STK3: variants seen among roughly 807,000 people sequenced by gnomAD.
The protein encoded by STK3 is serine/threonine kinase 3, also known as serine/threonine-protein kinase 3.
Under a neutral mutation model 58.0 loss-of-function variants are expected in STK3, and 41 were observed. That is an observed-to-expected ratio of 0.71 (90% CI 0.55 to 0.92). The LOEUF is 0.92. STK3 is among the 40% of genes least tolerant of loss of function. The probability of loss-of-function intolerance (pLI) is 0.00; values close to 1 mark genes in which losing one functional copy is unlikely to be tolerated. For missense variants in STK3, 479 were observed against 602.7 expected (o/e 0.79, Z 2.15); for synonymous variants, 170 against 191.0 (o/e 0.89, Z 0.91).
chr8:98,740,840 C>G (rs1307758572), intron 4 of STK3, among the ~76,000 whole-genome samples: 1 of 152,068 alleles, frequency 6.6e-6, no homozygotes, highest in African/African-American at 2.4e-5. Flanking sequence ...GTGCTGTATT[C>G]AGGAAACCCA....
chr8:98,926,409 T>C (rs1404219548), intron 1 of STK3, among the ~76,000 whole-genome samples: 4 of 152,218 alleles, frequency 2.6e-5, no homozygotes, highest in Non-Finnish European at 5.9e-5. Context: ...TGCAAACATA[T>C]GGAATACGGA....
intron 6 of STK3, among the ~76,000 whole-genome samples, chr8:98,616,638 C>G (rs1385605039): frequency 2.1e-5 from 3 of 146,024 alleles, no homozygotes; most frequent in Non-Finnish European, 4.5e-5. Context: ...AAATGGAAAA[C>G]AAAAAAAGGC....
At chr8:98,633,989 A>G (rs56246659) in intron 6 of STK3, 5,690 of 179,344 alleles carry the variant, frequency 0.032, 122 homozygotes, top group South Asian at 0.057. Context: ...CTCGATTCCA[A>G]ATAAATTAGT....
At chr8:98,707,876 C>A (rs1826076374) in intron 4 of STK3, among the ~76,000 whole-genome samples, 1 of 152,114 alleles carries the variant, frequency 6.6e-6, no homozygotes, top group Non-Finnish European at 1.5e-5. Context: ...TGGTGGCTCA[C>A]ACCTGTAATC....
At position 98,372,184 on chromosome 8, in the gene STK3, G is replaced by A. The variant is rs559930971; in HGVS notation, n.112-506C>T. Among the ~76,000 whole-genome samples the A allele has an allele frequency of 1.2e-3, 189 of 152,302 alleles. 1 individual carries two copies. Among genetic ancestry groups the A allele is most frequent in the African/African-American group, 4.4e-3 (181 of 41,546 alleles). Reference sequence around the variant, plus strand: ...GCAAGGAAAGAGTCTCAGACTCTGGGTCTTAGAGGGAACATGGCTTGCTGA... The same window carrying A: ...GCAAGGAAAGAGTCTCAGACTCTGGATCTTAGAGGGAACATGGCTTGCTGA... On this transcript the variant is annotated intron_variant and non_coding_transcript_variant, in intron 2 of 2. Coordinates refer to the STK3 transcript ENST00000518704.
chr8:98,710,354 C>T (rs1211425606), intron 4 of STK3, among the ~76,000 whole-genome samples: 2 of 152,294 alleles, frequency 1.3e-5, no homozygotes, highest in East Asian at 3.9e-4. Context: ...ATCACCTCAC[C>T]TGGGAAGTGC....
At chr8:98,529,563 TCTTA>T (rs1219079125) in intron 9 of STK3, among the ~76,000 whole-genome samples, 1 of 152,228 alleles carries the variant, frequency 6.6e-6, no homozygotes, top group Non-Finnish European at 1.5e-5. Flanking sequence ...AAATTTACCA[TCTTA>T]CTTCTGGGTA....
chr8:98,911,062 AG>A (rs1839112006), intron 1 of STK3, among the ~76,000 whole-genome samples: 1 of 152,174 alleles, frequency 6.6e-6, no homozygotes, highest in Non-Finnish European at 1.5e-5. Context: ...TGCTGGAAAA[AG>A]GTTACCACTA....
chr8:98,836,009 T>A (rs1331556620), intron 3 of STK3, among the ~76,000 whole-genome samples: 4 of 152,200 alleles, frequency 2.6e-5, no homozygotes, highest in Non-Finnish European at 5.9e-5. Context: ...GAGACCAGCC[T>A]GCCCAACATG....
intron 6 of STK3, among the ~76,000 whole-genome samples, chr8:98,636,910 C>G (rs991728506): frequency 3.9e-5 from 6 of 152,006 alleles, no homozygotes; most frequent in Non-Finnish European, 7.4e-5. Context: ...TTGAAAATGT[C>G]CTTGCAATAT....
At chr8:98,347,369 G>C in the STK3 span, among the ~76,000 whole-genome samples, 1 of 151,622 alleles carries the variant, frequency 6.6e-6, no homozygotes, top group Non-Finnish European at 1.5e-5. Context: ...AAAAAAATTA[G>C]CCGGGCGTGA....
chr8:98,651,977 G>A (rs887856281), intron 6 of STK3, among the ~76,000 whole-genome samples: 6 of 151,972 alleles, frequency 3.9e-5, no homozygotes, highest in African/African-American at 1.5e-4. Flanking sequence ...AGGAAATACA[G>A]AGAACGCCAC....
intron 1 of STK3, among the ~76,000 whole-genome samples, chr8:98,778,128 C>A (rs1831828885): frequency 6.6e-6 from 1 of 152,164 alleles, no homozygotes; most frequent in Non-Finnish European, 1.5e-5. Flanking sequence ...GCAATCTACT[C>A]ATCTGACAAA....
At chr8:98,889,223 G>T (rs990971656) in intron 1 of STK3, among the ~76,000 whole-genome samples, 3 of 152,170 alleles carry the variant, frequency 2.0e-5, no homozygotes, top group Non-Finnish European at 4.4e-5. Context: ...TGGTATGAGA[G>T]CCAGTGTTCA....
At chr8:98,729,700 G>A (rs947668984) in intron 4 of STK3, among the ~76,000 whole-genome samples, 1 of 152,214 alleles carries the variant, frequency 6.6e-6, no homozygotes, top group Admixed American at 6.5e-5. Context: ...TTATGTGCCA[G>A]GTGTTATTCT....
intron 1 of STK3, among the ~76,000 whole-genome samples, chr8:98,802,666 T>C (rs1047785053): frequency 6.6e-6 from 1 of 152,170 alleles, no homozygotes; most frequent in Non-Finnish European, 1.5e-5. Context: ...ACAGTATTAA[T>C]TGTAAATTAT....
At chr8:98,394,506 C>T (rs1257161938) in intron 3 of STK3, among the ~76,000 whole-genome samples, 1 of 151,924 alleles carries the variant, frequency 6.6e-6, no homozygotes, top group Non-Finnish European at 1.5e-5. Context: ...CACAGCAAGA[C>T]CCCATCTCTA....
intron 3 of STK3, among the ~76,000 whole-genome samples, chr8:98,837,363 C>CAAAAAAAAAAAAAA (rs533620773): frequency 1.6e-5 from 1 of 63,298 alleles, no homozygotes; most frequent in Non-Finnish European, 3.2e-5. Context: ...TGGAGCTCAG[C>CAAAAAAAAAAAAAA]AAAAAAAAAA....
intron 1 of STK3, among the ~76,000 whole-genome samples, chr8:98,920,778 G>A (rs1408821156): frequency 6.6e-6 from 1 of 152,260 alleles, no homozygotes; most frequent in Non-Finnish European, 1.5e-5. Context: ...GGTTAGAACA[G>A]CAGAAGGTTA....
Sources: allele counts gnomAD v4.1 joint callset (sites outside exome capture counted in the v4.1 genomes callset), GRCh38; gene constraint gnomAD v4.1.1; transcripts MANE v1.5; gene names NCBI Gene and HGNC (gene_info 2026-07-23, HGNC 2026-07-21).